Variants in ZFHX3 observed in about 807,000 individuals in gnomAD.
The protein encoded by ZFHX3 is zinc finger homeobox protein 3.
Under a neutral mutation model 279.1 loss-of-function variants are expected in ZFHX3, and 42 were observed. The ratio of observed to expected loss-of-function variants is 0.15; its 90% CI spans 0.12 to 0.19. The LOEUF is 0.19. ZFHX3 is among the 10% of genes least tolerant of loss of function. The pLI, the probability that ZFHX3 is intolerant of heterozygous loss-of-function variation, is 1.00. For synonymous variants in ZFHX3, 2,293 were observed against 1,957.8 expected, an observed-to-expected ratio of 1.17 and a Z score of -4.52; for missense variants, 4,981 against 4,754.0, an observed-to-expected ratio of 1.05 and a Z score of -1.40.
chr16:72,848,828 C>A (rs1053959759), intron 4 of ZFHX3, among the ~76,000 whole-genome samples: 1 of 152,100 alleles, frequency 6.6e-6, no homozygotes, highest in African/African-American at 2.4e-5. Flanking sequence ...CCCTTTCCCT[C>A]GTTTCTGCTT....
intron 3 of ZFHX3, among the ~76,000 whole-genome samples, chr16:72,902,427 G>A (rs2039062198): frequency 6.6e-6 from 1 of 152,232 alleles, no homozygotes; most frequent in African/African-American, 2.4e-5. Context: ...GCCTGGGTTT[G>A]GCAGGCTGGC....
At chr16:72,960,760 T>C (rs1716941478) in intron 1 of ZFHX3, among the ~76,000 whole-genome samples, 1 of 152,138 alleles carries the variant, frequency 6.6e-6, no homozygotes, top group South Asian at 2.1e-4. Flanking sequence ...TTACTGACCA[T>C]GGTTCTAGTT....
intron 1 of ZFHX3, among the ~76,000 whole-genome samples, chr16:73,001,764 G>A (rs1302001161): frequency 6.6e-6 from 1 of 151,736 alleles, no homozygotes; most frequent in African/African-American, 2.4e-5. Context: ...AGGCTGCAGT[G>A]AGCCCTGACT....
At chr16:73,507,143 T>G (rs1053592373) in intron 2 of ZFHX3, among the ~76,000 whole-genome samples, 1 of 152,196 alleles carries the variant, frequency 6.6e-6, no homozygotes, top group African/African-American at 2.4e-5. Flanking sequence ...CTATATAGCT[T>G]TTCTGATTCC....
At chr16:73,154,267 T>C (rs1247476938) in intron 5 of ZFHX3, among the ~76,000 whole-genome samples, 1 of 152,276 alleles carries the variant, frequency 6.6e-6, no homozygotes, top group African/African-American at 2.4e-5. Flanking sequence ...CAGATCTCAG[T>C]GTTGTCTTAA....
In ZFHX3 at chr16:73,126,770, T is replaced by C. The variant is rs941231259; in HGVS notation, c.-897+4198A>G. 8 of 152,378 alleles carry C rather than the reference T, an allele frequency of 5.3e-5. 1 individual carries two copies. The highest frequency in any genetic ancestry group is 5.2e-4 in the Admixed American group (8 of 15,296). 9.4% of individuals were successfully genotyped at this position (152,378 alleles called of 1,614,324 possible). On this transcript the variant is annotated intron_variant, in intron 7 of 17. Coordinates refer to the ZFHX3 transcript ENST00000641206. ...GAGAAGACCAGGGATTGCAGGACAT[T>C]GTGAGATTCTTTCTGGGGCAGCTGG...
chr16:72,941,204 G>C (rs1960394954), intron 3 of ZFHX3, among the ~76,000 whole-genome samples: 1 of 152,224 alleles, frequency 6.6e-6, no homozygotes, highest in Non-Finnish European at 1.5e-5. Flanking sequence ...TGAACAAACA[G>C]CTCTAGAGAA....
At position 72,794,763 on chromosome 16, in the gene ZFHX3, C is replaced by G; in HGVS notation, c.7919G>C (p.Arg2640Thr). The change falls in exon 9 of 10, where the codon AGA becomes ACA. Residue 2640 changes from arginine to threonine, a missense_variant. Physicochemically the swap from Arg to Thr is moderately conservative, Grantham distance 71 (BLOSUM62 -1). Coordinates refer to ENST00000268489, the MANE Select transcript of ZFHX3 (RefSeq NM_006885.4). This position sits in a 1 kb window ranked among gnomAD's most constrained non-coding sequence, Gnocchi z 4.2. ...DSGTGGEEPQ[R>T]DKRLRTTITP... ...GATGGTTGTTCTCAAACGCTTGTCT[C>G]TCTGAGGCTCTTCTCCTCCTGTCCC... is the stretch of plus-strand genomic sequence containing the variant. The G allele has an allele frequency of 6.2e-7, 1 of 1,614,210 alleles. No individual in the cohort carries two copies.
At chr16:73,023,968 C>A (rs1378579954) in intron 1 of ZFHX3, among the ~76,000 whole-genome samples, 1 of 152,128 alleles carries the variant, frequency 6.6e-6, no homozygotes, top group Non-Finnish European at 1.5e-5. Flanking sequence ...TTCTTTTGAG[C>A]GCTCTGTCTT....
In ZFHX3 at chr16:72,794,302, A is replaced by G; in HGVS notation, c.8380T>C (p.Leu2794=). Residue 2794 remains leucine, a synonymous_variant, in exon 9 of 10, where the codon TTG becomes CTG. Transcript: ENST00000268489. This position sits in a 1 kb window ranked among gnomAD's most constrained non-coding sequence, Gnocchi z 4.2. ...GGGCTTAGAAGAGTTCTGGGTGACA[A>G]TTCCATGGTTTTACTCACAGGTGAG... ...PLSPVSKTME[L]SPRTLLSPSS... 4 of 1,610,732 alleles carry G rather than the reference A, an allele frequency of 2.5e-6. No homozygotes were observed. Among genetic ancestry groups the G allele is most frequent in the Non-Finnish European group, 3.4e-6 (4 of 1,178,062 alleles).
intron 5 of ZFHX3, among the ~76,000 whole-genome samples, chr16:73,213,700 A>C (rs1213240314): frequency 1.3e-5 from 2 of 152,162 alleles, no homozygotes; most frequent in Non-Finnish European, 2.9e-5. Flanking sequence ...GCTTTTGTGA[A>C]TAGCCATGTT....
intron 5 of ZFHX3, chr16:73,232,818 C>A (rs1181567111): frequency 6.6e-6 from 1 of 152,232 alleles, no homozygotes; most frequent in African/African-American, 2.4e-5. Context: ...TTGCTGCTCT[C>A]TGATGGCACG....
At chr16:73,769,653 CT>C (rs2053995792) in intron 1 of ZFHX3, among the ~76,000 whole-genome samples, 2 of 152,064 alleles carry the variant, frequency 1.3e-5, no homozygotes, top group Non-Finnish European at 2.9e-5. Context: ...GAATTTCTAC[CT>C]TTTTAACCAC....
At chr16:72,909,221 T>C (rs2039259193) in intron 3 of ZFHX3, among the ~76,000 whole-genome samples, 1 of 152,160 alleles carries the variant, frequency 6.6e-6, no homozygotes, top group Admixed American at 6.5e-5. Flanking sequence ...GTTTCTAAAA[T>C]GTAGGCAAGG....
intron 5 of ZFHX3, among the ~76,000 whole-genome samples, chr16:73,181,972 C>T (rs541907868): frequency 4.3e-4 from 65 of 152,218 alleles, no homozygotes; most frequent in African/African-American, 1.3e-3. Flanking sequence ...AGCAGTCCTT[C>T]GGGTTTTGTT....
intron 7 of ZFHX3, 78 bp downstream of exon 7, chr16:72,811,499 T>C: frequency 7.4e-7 from 1 of 1,356,528 alleles, no homozygotes; most frequent in Non-Finnish European, 9.9e-7. Flanking sequence ...CGTCCAATAA[T>C]ACAGTATCTT....
At chr16:73,510,433 A>G (rs761679342) in intron 2 of ZFHX3, among the ~76,000 whole-genome samples, 27 of 152,304 alleles carry the variant, frequency 1.8e-4, no homozygotes, top group Non-Finnish European at 3.4e-4. Flanking sequence ...TTCATTGTCT[A>G]TGACATTTCA....
intron 4 of ZFHX3, among the ~76,000 whole-genome samples, chr16:73,307,402 C>A (rs1241379279): frequency 6.6e-6 from 1 of 152,196 alleles, no homozygotes; most frequent in Non-Finnish European, 1.5e-5. Flanking sequence ...GGATAGTGAG[C>A]ACTGAAGGTT....
At chr16:73,566,944 C>T (rs2020460634) in intron 2 of ZFHX3, among the ~76,000 whole-genome samples, 1 of 152,182 alleles carries the variant, frequency 6.6e-6, no homozygotes, top group African/African-American at 2.4e-5. Flanking sequence ...GGTGATCCGC[C>T]TGCCTTGGCC....
Sources: allele counts gnomAD v4.1 joint callset (sites outside exome capture counted in the v4.1 genomes callset), GRCh38; gene constraint gnomAD v4.1.1; non-coding constraint Gnocchi (gnomAD v3.1); transcripts MANE v1.5; gene names NCBI Gene and HGNC (gene_info 2026-07-23, HGNC 2026-07-21).